Variants in CSNK2A2 observed in about 807,000 individuals in gnomAD.
CSNK2A2 encodes the protein casein kinase 2 alpha 2.
CSNK2A2 carries 8 observed loss-of-function variants against 54.0 expected under a neutral mutation model. The ratio of observed to expected loss-of-function variants is 0.15; its 90% CI spans 0.09 to 0.27. The LOEUF (loss-of-function observed/expected upper bound fraction) is 0.27, where lower values mean the gene tolerates loss of function less well. Among genes scored for constraint, CSNK2A2 ranks in the 10% least tolerant of loss-of-function variants. CSNK2A2 has a pLI of 1.00. For missense variants in CSNK2A2, 242 were observed against 439.4 expected (o/e 0.55, Z 4.02); for synonymous variants, 141 against 153.9 (o/e 0.92, Z 0.62).
At position 58,164,151 on chromosome 16, in the gene CSNK2A2, C is replaced by T. The variant is rs746210550; in HGVS notation, c.977-4G>A. Reference sequence around the variant, plus strand: ...GACTGCTCCTTCACCACAGGGTCTGCAAGAAAGCAGGAGGAAAGTCAGGCA... The same window carrying T: ...GACTGCTCCTTCACCACAGGGTCTGTAAGAAAGCAGGAGGAAAGTCAGGCA... On this transcript the variant is annotated splice_polypyrimidine_tract_variant and splice_region_variant and intron_variant, in intron 10 of 11. Coordinates refer to ENST00000262506, the MANE Select transcript of CSNK2A2 (RefSeq NM_001896.4). 1.2e-6 allele frequency: 2 copies of T among 1,613,478 alleles called. No individual in the cohort carries two copies. The highest frequency in any genetic ancestry group is 2.2e-5 in the South Asian group (2 of 90,884).
In CSNK2A2 at chr16:58,166,629, T is replaced by C; in HGVS notation, c.782A>G (p.Lys261Arg). Residue 261 changes from lysine to arginine, a missense_variant, in exon 9 of 12, where the codon AAG becomes AGG. By Grantham distance (26) the Lys-to-Arg change is conservative. This residue lies in a region of CSNK2A2 where 81 missense variants were observed against 135.0 expected (regional missense o/e 0.60). Coordinates refer to ENST00000262506, the MANE Select transcript of CSNK2A2 (RefSeq NM_001896.4). ...GTGTGGATCTAGGTCTATGTGATAC[T>C]TCTTCAGATACCCATACAGTTCTTC... ...GTEELYGYLKKYHIDLDPHFN... is the reference protein window; with the variant it reads ...GTEELYGYLKRYHIDLDPHFN... 1 of 1,611,190 alleles carries C rather than the reference T, an allele frequency of 6.2e-7. No individual in the cohort carries two copies. Among genetic ancestry groups the C allele is most frequent in the African/African-American group, 1.3e-5 (1 of 74,450 alleles).
Position 58,174,434 on chromosome 16 carries a change from T to C in CSNK2A2, c.429+17A>G. On this transcript the variant is annotated intron_variant, in intron 5 of 11. Transcript: ENST00000262506. Reference sequence around the variant, plus strand: ...AACAGGCCTGAAAAAAATTAATGGTTTATGAACACCACTTACTTTAAGTAG... The same window carrying C: ...AACAGGCCTGAAAAAAATTAATGGTCTATGAACACCACTTACTTTAAGTAG... 6.3e-7 allele frequency: 1 copy of C among 1,584,604 alleles called. No individual in the cohort carries two copies. The highest frequency in any genetic ancestry group is 8.6e-7 in the Non-Finnish European group (1 of 1,160,232).
intron 5 of CSNK2A2, among the ~76,000 whole-genome samples, chr16:58,170,574 C>G (rs1163351822): frequency 6.6e-6 from 1 of 152,126 alleles, no homozygotes. Flanking sequence ...TCCAAAGTGG[C>G]TGCGTCACTT....
chr16:58,186,190 A>T (rs1386856232), intron 3 of CSNK2A2, among the ~76,000 whole-genome samples: 1 of 152,236 alleles, frequency 6.6e-6, no homozygotes, highest in East Asian at 1.9e-4. Flanking sequence ...TAAACAGCAC[A>T]TTTAAAATGG....
Position 58,198,041 on chromosome 16 carries a change from C to CCGGCAG in CSNK2A2, c.-311_-306dup, listed in dbSNP as rs1452197836. On this transcript the variant is annotated 5_prime_UTR_variant, in exon 1 of 12. Transcript: ENST00000262506. The stretch of plus-strand genomic sequence containing the variant: ...CCCCCAGGAGGCGGCGGCGGCGGCA[C>CCGGCAG]CGGCAGCGGCAGCCACCGGCCGGGA... The CCGGCAG allele has an allele frequency of 1.4e-5, 2 of 145,662 alleles. No homozygotes were observed. Among genetic ancestry groups the CCGGCAG allele is most frequent in the South Asian group, 1.8e-4 (1 of 5,566 alleles). The allele number at this position is 145,662 out of a possible 1,614,324, so 9.0% of individuals were successfully genotyped here.
chr16:58,169,474 G>A (rs762730729), intron 5 of CSNK2A2, among the ~76,000 whole-genome samples: 1 of 152,032 alleles, frequency 6.6e-6, no homozygotes, highest in Non-Finnish European at 1.5e-5. Flanking sequence ...AGGCTGCAGT[G>A]AGCTGAGATG....
intron 4 of CSNK2A2, among the ~76,000 whole-genome samples, chr16:58,180,423 G>A (rs1259129931): frequency 6.7e-6 from 1 of 149,884 alleles, no homozygotes; most frequent in African/African-American, 2.5e-5. Flanking sequence ...AGTCCTAAGA[G>A]AATTCTTTGT....
rs376230383 is a variant in CSNK2A2, at chr16:58,172,873, T to C, written c.429+1578A>G. Among the ~76,000 whole-genome samples, 26 of 152,326 alleles carry C rather than the reference T, an allele frequency of 1.7e-4. No homozygotes were observed. The East Asian group carries it at 4.4e-3, about 26-fold the overall frequency. ...CTACCTCCAGAAAGCAGAAAGGACA[T>C]CAGACATTGAGTGACACCCACATGT... On this transcript the variant is annotated intron_variant, in intron 5 of 11. Transcript: ENST00000262506.
At position 58,186,770 on chromosome 16, in the gene CSNK2A2, A is replaced by G. The variant is rs1962203499; in HGVS notation, c.303T>C (p.Thr101=). The part of the protein sequence containing the change: ...GGTNIIKLID[T]VKDPVSKTPA... ...TGGCACCTACCACGGGGTCCTTTAC[A>G]GTGTCAATCAGCTTAATGATATTTG... Residue 101 remains threonine, a synonymous_variant, in exon 3 of 12, where the codon ACT becomes ACC. Transcript: ENST00000262506. The G allele has an allele frequency of 6.2e-7, 1 of 1,613,810 alleles. No individual in the cohort carries two copies. Among genetic ancestry groups the G allele is most frequent in the African/African-American group, 1.3e-5 (1 of 74,920 alleles).
At chr16:58,195,469 C>T (rs1033771115) in intron 2 of CSNK2A2, among the ~76,000 whole-genome samples, 1 of 151,906 alleles carries the variant, frequency 6.6e-6, no homozygotes, top group East Asian at 1.9e-4. Flanking sequence ...CCCTAGCACA[C>T]AGAAACAGCT....
At chr16:58,171,979 A>ATTTTTTTT (rs746200172) in intron 5 of CSNK2A2, among the ~76,000 whole-genome samples, 1 of 66,186 alleles carries the variant, frequency 1.5e-5, no homozygotes, top group African/African-American at 8.4e-5. Context: ...ATATATATAT[A>ATTTTTTTT]TTTTTTTTTT....
Position 58,196,966 on chromosome 16 carries a change from C to T in CSNK2A2, c.105-122G>A. The stretch of plus-strand genomic sequence containing the variant: ...ACTTGGAAGTGTCTATACATCACGT[C>T]ACAACTCATTCCCTAAATGAAAGCC... On this transcript the variant is annotated intron_variant, in intron 1 of 11. Transcript: ENST00000262506. The T allele has an allele frequency of 1.2e-5, 9 of 739,276 alleles. No homozygotes were observed. In the South Asian group the frequency reaches 1.3e-4, roughly 11 times the overall value. 45.8% of individuals were successfully genotyped at this position (739,276 alleles called of 1,614,324 possible).
intron 3 of CSNK2A2, among the ~76,000 whole-genome samples, chr16:58,184,821 G>T (rs971796703): frequency 1.2e-4 from 18 of 152,228 alleles, no homozygotes; most frequent in African/African-American, 4.3e-4. Context: ...CATAGGTTGT[G>T]GGAATGTATC....
chr16:58,170,071 C>A (rs1472878018), intron 5 of CSNK2A2, among the ~76,000 whole-genome samples: 3 of 151,984 alleles, frequency 2.0e-5, no homozygotes, highest in Non-Finnish European at 4.4e-5. Flanking sequence ...ACATATTATT[C>A]CAAGGGAGAA....
At chr16:58,168,587 T>C (rs1188091391) in intron 6 of CSNK2A2, 23 bp downstream of exon 6, 3 of 1,603,948 alleles carry the variant, frequency 1.9e-6, no homozygotes, top group Non-Finnish European at 2.6e-6. Context: ...ATCAAGCTTG[T>C]TGCTGCCTGG....
chr16:58,171,979 A>ATATATT (rs1261137669), intron 5 of CSNK2A2, among the ~76,000 whole-genome samples: 17 of 66,182 alleles, frequency 2.6e-4, no homozygotes, highest in Non-Finnish European at 3.2e-4. Flanking sequence ...ATATATATAT[A>ATATATT]TTTTTTTTTT....
At chr16:58,186,712 A>T (rs1487667688) in intron 3 of CSNK2A2, 43 bp downstream of exon 3, 1 of 1,417,284 alleles carries the variant, frequency 7.1e-7, no homozygotes, top group Non-Finnish European at 9.9e-7. Context: ...CCATATCCAC[A>T]CCCCGGTCTA....
At chr16:58,159,760 A>G (rs2142399625) in intron 11 of CSNK2A2, 1 of 152,358 alleles carries the variant, frequency 6.6e-6, no homozygotes, top group African/African-American at 2.4e-5. Flanking sequence ...TTCTGCAAAC[A>G]GAAGGAAACA....
At chr16:58,171,338 C>G (rs1432492985) in intron 5 of CSNK2A2, among the ~76,000 whole-genome samples, 1 of 152,034 alleles carries the variant, frequency 6.6e-6, no homozygotes, top group East Asian at 1.9e-4. Flanking sequence ...GCCTGACCAA[C>G]AGGGTGAAAC....
Sources: gnomAD v4.1 joint callset for allele counts (sites outside exome capture counted in the v4.1 genomes callset) on GRCh38, gnomAD v4.1.1 for gene constraint, gnomAD v4.1.1 regional missense constraint, MANE v1.5 for transcripts, NCBI Gene and HGNC (gene_info 2026-07-23, HGNC 2026-07-21) for gene names.